Variants in PTPRA observed in about 807,000 individuals in gnomAD.
The protein encoded by PTPRA is receptor-type tyrosine-protein phosphatase alpha.
In PTPRA, 25 loss-of-function variants were observed where a neutral mutation model predicts 104.8. That is an observed-to-expected ratio of 0.24 (90% CI 0.17 to 0.33). PTPRA has a LOEUF of 0.33. PTPRA is among the 10% of genes least tolerant of loss of function. The pLI is 1.00. For missense variants in PTPRA, 765 were observed against 1,015.3 expected, an observed-to-expected ratio of 0.75 and a Z score of 3.35; for synonymous variants, 323 against 368.9, an observed-to-expected ratio of 0.88 and a Z score of 1.43.
intron 1 of PTPRA, among the ~76,000 whole-genome samples, chr20:2,917,485 C>G (rs959741100): frequency 6.6e-6 from 1 of 152,072 alleles, no homozygotes; most frequent in Non-Finnish European, 1.5e-5. Context: ...GCTCCTGGGC[C>G]CAATACAGAG....
intron 6 of PTPRA, among the ~76,000 whole-genome samples, chr20:2,976,301 C>T (rs2062429260): frequency 6.6e-6 from 1 of 152,168 alleles, no homozygotes; most frequent in African/African-American, 2.4e-5. Flanking sequence ...TATTTACTTG[C>T]TCCCTAAAAC....
chr20:2,985,759 A>G (rs1208105912), intron 6 of PTPRA, among the ~76,000 whole-genome samples: 1 of 152,190 alleles, frequency 6.6e-6, no homozygotes, highest in Non-Finnish European at 1.5e-5. Flanking sequence ...TGAGGATCTA[A>G]TAATGTCTCC....
Position 2,948,011 on chromosome 20 carries a change from T to C in PTPRA, c.-20T>C. On this transcript the variant is annotated 5_prime_UTR_variant, in exon 3 of 24. Coordinates refer to ENST00000399903, the MANE Select transcript of PTPRA (RefSeq NM_001385305.1). Reference sequence around the variant, plus strand: ...CATGTTCAAAGAGCATAATTAACTTTTTAAAAGAAGCTAGTAAGTACTGAA... The same window carrying C: ...CATGTTCAAAGAGCATAATTAACTTCTTAAAAGAAGCTAGTAAGTACTGAA... The C allele has an allele frequency of 9.1e-7, 1 of 1,093,884 alleles. No homozygotes were observed. Among genetic ancestry groups the C allele is most frequent in the Non-Finnish European group, 1.2e-6 (1 of 815,352 alleles). 67.8% of individuals were successfully genotyped at this position (1,093,884 alleles called of 1,614,324 possible).
the PTPRA span, chr20:2,865,325 A>G: frequency 3.1e-6 from 5 of 1,614,134 alleles, no homozygotes. This position sits in a 1 kb window ranked among gnomAD's most constrained non-coding sequence, Gnocchi z 5.2. Context: ...GAGGTAGGTG[A>G]GGGCCCAGGC....
chr20:2,881,499 T>C (rs908827723), intron 1 of PTPRA, among the ~76,000 whole-genome samples: 5 of 152,172 alleles, frequency 3.3e-5, no homozygotes, highest in African/African-American at 1.2e-4. Context: ...ACTTCAATTA[T>C]TAAAATTTAT....
chr20:3,025,480 T>C (rs1024970725), intron 17 of PTPRA, among the ~76,000 whole-genome samples: 1 of 147,454 alleles, frequency 6.8e-6, no homozygotes, highest in African/African-American at 2.5e-5. Context: ...AAGTGCTTTC[T>C]CAGAAGCAGG....
rs2065323338 is a variant in PTPRA, at chr20:3,029,540, C to CTTTTTTTTTTTTTTTGT, written c.1920+1714_1920+1715insGTTTTTTTTTTTTTTTT. 2.6e-5 allele frequency among the ~76,000 whole-genome samples: 2 copies of CTTTTTTTTTTTTTTTGT among 78,084 alleles called. 1 individual carries two copies. Among genetic ancestry groups the CTTTTTTTTTTTTTTTGT allele is most frequent in the Non-Finnish European group, 4.5e-5 (2 of 44,418 alleles). The allele number at this position is 78,084 out of a possible 152,430, so 51.2% of individuals were successfully genotyped here. On this transcript the variant is annotated intron_variant, in intron 20 of 23. Coordinates refer to ENST00000399903, the MANE Select transcript of PTPRA (RefSeq NM_001385305.1). ...GACATACTTTGTAGGTCTTCATCAT[C>CTTTTTTTTTTTTTTTGT]TTTTTTTTTTTTTTTTTTGAGACGG...
chr20:2,935,520 A>G (rs745514181), intron 2 of PTPRA, among the ~76,000 whole-genome samples: 1 of 152,150 alleles, frequency 6.6e-6, no homozygotes, highest in Non-Finnish European at 1.5e-5. Context: ...TATATATCCA[A>G]TAGGGGGAAT....
At chr20:2,984,405 A>G (rs2062815521) in intron 6 of PTPRA, among the ~76,000 whole-genome samples, 1 of 152,138 alleles carries the variant, frequency 6.6e-6, no homozygotes, top group Non-Finnish European at 1.5e-5. Context: ...ACCAGTAGCC[A>G]CCGTCTTGTC....
At chr20:2,925,313 G>A (rs6115724) in intron 2 of PTPRA, among the ~76,000 whole-genome samples, 1 of 152,132 alleles carries the variant, frequency 6.6e-6, no homozygotes, top group Non-Finnish European at 1.5e-5. Flanking sequence ...GTTTCACATA[G>A]GTTTATTTCA....
intron 9 of PTPRA, among the ~76,000 whole-genome samples, chr20:2,990,740 T>A (rs563090350): frequency 7.2e-5 from 11 of 151,750 alleles, no homozygotes; most frequent in Admixed American, 3.3e-4. Flanking sequence ...CAAGAAAAAA[T>A]TTTTTTTAGA....
intron 6 of PTPRA, among the ~76,000 whole-genome samples, chr20:2,983,334 C>T (rs991154467): frequency 2.0e-5 from 3 of 151,558 alleles, no homozygotes; most frequent in African/African-American, 7.3e-5. Context: ...AGAGATAGGG[C>T]AGGTAGGGGC....
At chr20:3,029,147 G>GTT (rs1394716820) in intron 20 of PTPRA, among the ~76,000 whole-genome samples, 1 of 135,028 alleles carries the variant, frequency 7.4e-6, no homozygotes, top group African/African-American at 2.8e-5. Flanking sequence ...TTGTTTGTTT[G>GTT]TTTGTTTGTT....
chr20:3,003,780 A>G (rs1051677676), intron 9 of PTPRA, among the ~76,000 whole-genome samples: 1 of 150,598 alleles, frequency 6.6e-6, no homozygotes, highest in Non-Finnish European at 1.5e-5. Flanking sequence ...TTCTGGCCTC[A>G]AGTAGTCCTC....
At chr20:2,865,014 G>A in the PTPRA span, 29 of 1,613,988 alleles carry the variant, frequency 1.8e-5, no homozygotes, top group South Asian at 1.3e-4. This position sits in a 1 kb window ranked among gnomAD's most constrained non-coding sequence, Gnocchi z 5.2. Context: ...GCAGACAGCC[G>A]CCGATGCCTT....
chr20:2,982,786 C>T (rs1334745032), intron 6 of PTPRA, among the ~76,000 whole-genome samples: 1 of 151,760 alleles, frequency 6.6e-6, no homozygotes, highest in Non-Finnish European at 1.5e-5. Flanking sequence ...AACCTCTGCC[C>T]CCCAGGTTCA....
chr20:2,948,939 G>A (rs558551386), intron 3 of PTPRA, among the ~76,000 whole-genome samples: 41 of 151,818 alleles, frequency 2.7e-4, no homozygotes, highest in South Asian at 8.3e-4. Flanking sequence ...GTGACAGAGC[G>A]AGACTCCGTC....
chr20:2,927,428 C>T (rs2060341849), intron 2 of PTPRA, among the ~76,000 whole-genome samples: 1 of 152,152 alleles, frequency 6.6e-6, no homozygotes, highest in Admixed American at 6.5e-5. Flanking sequence ...AAAATTTTCT[C>T]CCTGGAGTTT....
At chr20:3,020,414 T>C (rs187536489) in intron 13 of PTPRA, among the ~76,000 whole-genome samples, 2 of 152,284 alleles carry the variant, frequency 1.3e-5, no homozygotes, top group East Asian at 1.9e-4. Flanking sequence ...GGAGCTTTTT[T>C]CCCCTGGTTT....
Sources: gnomAD v4.1 joint callset for allele counts (sites outside exome capture counted in the v4.1 genomes callset) on GRCh38, gnomAD v4.1.1 for gene constraint, Gnocchi (gnomAD v3.1) non-coding constraint, MANE v1.5 for transcripts, NCBI Gene and HGNC (gene_info 2026-07-23, HGNC 2026-07-21) for gene names.